HSPA14: variants seen among roughly 807,000 people sequenced by gnomAD.
HSPA14 encodes heat shock protein family A (Hsp70) member 14.
In HSPA14, 37 loss-of-function variants were observed where a neutral mutation model predicts 65.5. The ratio of observed to expected loss-of-function variants is 0.56; its 90% confidence interval spans 0.43 to 0.74. The LOEUF (loss-of-function observed/expected upper bound fraction) is 0.74, where lower values mean the gene tolerates loss of function less well. Ranked by LOEUF, HSPA14 falls within the 30% of genes least tolerant of loss-of-function variation. HSPA14 has a pLI of 0.00. For missense variants in HSPA14, 564 were observed against 607.6 expected, an observed-to-expected ratio of 0.93 and a Z score of 0.75; for synonymous variants, 203 against 214.2, an observed-to-expected ratio of 0.95 and a Z score of 0.46.
rs889144254 is a variant in HSPA14, at chr10:14,842,521, C to T, written c.221+2364C>T. The T allele has an allele frequency of 1.3e-6, 2 of 1,536,118 alleles. No homozygotes were observed. The highest frequency in any genetic ancestry group is 1.7e-4 in the Middle Eastern group (1 of 5,990). On this transcript the variant is annotated intron_variant, in intron 3 of 13. Transcript: ENST00000378372. The surrounding 1 kb of genome is among the most constrained non-coding windows in gnomAD (Gnocchi z 5.2). ...CATTATATTTAAAGGCCTATGTTGC[C>T]CATGCCACAAGTATGGGTGAGCCAC...
rs1834081829 is a variant in HSPA14 at position 14,848,535 on chromosome 10, AGTCTT to A, written c.222-73_222-69del. The A allele has an allele frequency of 5.9e-5, 61 of 1,039,398 alleles. No homozygotes were observed. The South Asian group carries it at 7.4e-4, about 13-fold the overall frequency. The allele number at this position is 1,039,398 out of a possible 1,614,324, so 64.4% of individuals were successfully genotyped here. A position where few individuals can be genotyped will look rare whatever the true frequency, so the allele number is the denominator to read the frequency against. On this transcript the variant is annotated intron_variant, in intron 3 of 13. Transcript: ENST00000378372. ...TTTGTTCAGTGATATTGTGAAATAC[AGTCTT>A]CTCTAAACTTTATATATCTACAATA... is the stretch of plus-strand genomic sequence containing the variant.
chr10:14,842,093 T>C lies in HSPA14; in HGVS notation c.221+1936T>C. On this transcript the variant is annotated intron_variant, in intron 3 of 13. Transcript: ENST00000378372. This position sits in a 1 kb window ranked among gnomAD's most constrained non-coding sequence, Gnocchi z 5.2. ...CTTAACTTGCTGCCAAAATTATCCT[T>C]ACACCCTTCCTGTAACTCTCATTCC... 12 of 1,449,604 alleles carry C rather than the reference T, an allele frequency of 8.3e-6. No homozygotes were observed. Among genetic ancestry groups the C allele is most frequent in the Non-Finnish European group, 1.0e-5 (11 of 1,070,946 alleles). The allele number at this position is 1,449,604 out of a possible 1,614,324, so 89.8% of individuals were successfully genotyped here. A position where few individuals can be genotyped will look rare whatever the true frequency, so the allele number is the denominator to read the frequency against.
At chr10:14,851,547 T>C (rs1834108723) in intron 7 of HSPA14, among the ~76,000 whole-genome samples, 1 of 152,246 alleles carries the variant, frequency 6.6e-6, no homozygotes, top group East Asian at 1.9e-4. Flanking sequence ...GCCCTTGTCT[T>C]GTCCCTTTTT....
In HSPA14 at chr10:14,838,355, G is replaced by C; in HGVS notation, c.-48G>C. 6.4e-7 allele frequency: 1 copy of C among 1,555,724 alleles called. No homozygotes were observed. The highest frequency in any genetic ancestry group is 8.7e-7 in the Non-Finnish European group (1 of 1,149,612). ...GGCCGTTGGGCGGCCGGTAGCTGTTGCTGTTGGGGGACCCCCTCATTCCTG... is the reference window on the plus strand; with the variant it reads ...GGCCGTTGGGCGGCCGGTAGCTGTTCCTGTTGGGGGACCCCCTCATTCCTG... On this transcript the variant is annotated 5_prime_UTR_variant, in exon 1 of 14. Coordinates refer to ENST00000378372, the MANE Select transcript of HSPA14 (RefSeq NM_016299.4).
At chr10:14,858,793 C>T (rs1451713453) in intron 10 of HSPA14, among the ~76,000 whole-genome samples, 6 of 152,114 alleles carry the variant, frequency 3.9e-5, no homozygotes, top group African/African-American at 9.7e-5. Flanking sequence ...AGGAAGTAGG[C>T]GCTTCTATCT....
chr10:14,842,305 T>C lies in HSPA14; in HGVS notation c.221+2148T>C, dbSNP rs1342536686. 3.3e-6 allele frequency: 5 copies of C among 1,535,796 alleles called. No individual in the cohort carries two copies. Among genetic ancestry groups the C allele is most frequent in the Admixed American group, 3.9e-5 (2 of 50,976 alleles). On this transcript the variant is annotated intron_variant, in intron 3 of 13. Transcript: ENST00000378372. This position sits in a 1 kb window ranked among gnomAD's most constrained non-coding sequence, Gnocchi z 5.2. The stretch of plus-strand genomic sequence containing the variant: ...CCACAATGGCCAGTGCCAATAGCAG[T>C]GCGGGCATCCGGTGGTCCAGACAGG...
At chr10:14,868,098 G>C (rs1832822796) in intron 12 of HSPA14, among the ~76,000 whole-genome samples, 189 bp downstream of exon 12, 1 of 152,082 alleles carries the variant, frequency 6.6e-6, no homozygotes, top group African/African-American at 2.4e-5. Context: ...GGAAAAAATA[G>C]GCAGTTCTAA....
At chr10:14,844,553 A>G (rs1834021869) in intron 3 of HSPA14, 4 of 986,120 alleles carry the variant, frequency 4.1e-6, no homozygotes, top group Non-Finnish European at 4.8e-6. Flanking sequence ...TATCTGACAT[A>G]TCTACTAGTA....
intron 10 of HSPA14, among the ~76,000 whole-genome samples, chr10:14,866,710 T>C (rs1832809763): frequency 6.6e-6 from 1 of 152,158 alleles, no homozygotes. Flanking sequence ...GCTTTAAGAT[T>C]CAAACTTTTA....
At position 14,842,339 on chromosome 10, in the gene HSPA14, A is replaced by G. The variant is rs1049471689; in HGVS notation, c.221+2182A>G. On this transcript the variant is annotated intron_variant, in intron 3 of 13. Coordinates refer to ENST00000378372, the MANE Select transcript of HSPA14 (RefSeq NM_016299.4). The surrounding 1 kb of genome is among the most constrained non-coding windows in gnomAD (Gnocchi z 5.2). ...CCGGTGGTCCAGACAGGAGACACGAACTCTTCTCTCCATACTAGGCGAGGC... is the reference window on the plus strand; with the variant it reads ...CCGGTGGTCCAGACAGGAGACACGAGCTCTTCTCTCCATACTAGGCGAGGC... The G allele has an allele frequency of 6.5e-7, 1 of 1,535,624 alleles. No homozygotes were observed. The highest frequency in any genetic ancestry group is 1.4e-5 in the African/African-American group (1 of 72,886).
At chr10:14,841,929 C>T (rs1833976884) in intron 3 of HSPA14, among the ~76,000 whole-genome samples, 1 of 152,234 alleles carries the variant, frequency 6.6e-6, no homozygotes, top group Non-Finnish European at 1.5e-5. Context: ...TACCAACTCT[C>T]AGCCATGAAA....
In HSPA14 at chr10:14,840,088, C is replaced by T; in HGVS notation, c.152C>T (p.Ala51Val). The stretch of plus-strand genomic sequence containing the variant: ...TTTTTTTTTCAGATTGTTGGATTGG[C>T]AGCAAAACAAAGTAGAATAAGAAAT... ...YSENEEIVGL[A>V]AKQSRIRNIS... The change falls in exon 3 of 14, where the codon GCA (alanine) becomes GTA (valine). Residue 51 changes from alanine (A) to valine (V), a missense_variant. Physicochemically the swap from Ala to Val is moderately conservative, Grantham distance 64. Coordinates refer to ENST00000378372, the MANE Select transcript of HSPA14 (RefSeq NM_016299.4). The T allele has an allele frequency of 7.0e-7, 1 of 1,420,064 alleles. No individual in the cohort carries two copies. The highest frequency in any genetic ancestry group is 9.4e-7 in the Non-Finnish European group (1 of 1,066,642). The allele number at this position is 1,420,064 out of a possible 1,614,324, so 88.0% of individuals were successfully genotyped here. A position where few individuals can be genotyped will look rare whatever the true frequency, so the allele number is the denominator to read the frequency against.
chr10:14,842,387 A>T lies in HSPA14; in HGVS notation c.221+2230A>T. On this transcript the variant is annotated intron_variant, in intron 3 of 13. Transcript: ENST00000378372. This position sits in a 1 kb window ranked among gnomAD's most constrained non-coding sequence, Gnocchi z 5.2. ...GGCAGAGTATATTCAGCGCCTCCAGACTGTGCATCACAATGCAGATGTCTA... is the reference window on the plus strand; with the variant it reads ...GGCAGAGTATATTCAGCGCCTCCAGTCTGTGCATCACAATGCAGATGTCTA... 1 of 1,536,154 alleles carries T rather than the reference A, an allele frequency of 6.5e-7. No homozygotes were observed. The highest frequency in any genetic ancestry group is 8.7e-7 in the Non-Finnish European group (1 of 1,146,910).
intron 3 of HSPA14, among the ~76,000 whole-genome samples, chr10:14,847,267 A>T (rs1046663938): frequency 5.9e-5 from 9 of 152,324 alleles, no homozygotes; most frequent in Admixed American, 2.0e-4. Context: ...CAACAGTATA[A>T]ATTGTTCTGG....
At chr10:14,867,410 C>T in intron 11 of HSPA14, 115 bp downstream of exon 11, 1 of 695,630 alleles carries the variant, frequency 1.4e-6, no homozygotes, top group Non-Finnish European at 2.4e-6. Context: ...TACAATAAAA[C>T]CTTGTATACT....
intron 7 of HSPA14, 131 bp from the exon 8 acceptor site, chr10:14,852,239 A>C: frequency 1.4e-6 from 1 of 718,770 alleles, no homozygotes; most frequent in Non-Finnish European, 2.3e-6. Flanking sequence ...GACTATAGAC[A>C]ACTTAGTTAT....
chr10:14,856,744 A>G (rs1289783482), intron 10 of HSPA14, among the ~76,000 whole-genome samples: 1 of 152,090 alleles, frequency 6.6e-6, no homozygotes, highest in Non-Finnish European at 1.5e-5. Context: ...CTGTGGTCTC[A>G]GCTTCTTGGG....
Position 14,842,049 on chromosome 10 carries a change from C to A in HSPA14, c.221+1892C>A. On this transcript the variant is annotated intron_variant, in intron 3 of 13. Coordinates refer to ENST00000378372, the MANE Select transcript of HSPA14 (RefSeq NM_016299.4). The surrounding 1 kb of genome is among the most constrained non-coding windows in gnomAD (Gnocchi z 5.2). ...TCTTGGCCTCATGCCTGTTTATGAC[C>A]TACTCACAGGTAGCACCACTTAACT... The A allele has an allele frequency of 1.0e-6, 1 of 972,186 alleles. No individual in the cohort carries two copies. Among genetic ancestry groups the A allele is most frequent in the Non-Finnish European group, 1.5e-6 (1 of 645,664 alleles). The allele number at this position is 972,186 out of a possible 1,614,324, so 60.2% of individuals were successfully genotyped here.
At chr10:14,841,214 A>G (rs570609308) in intron 3 of HSPA14, 2 of 152,314 alleles carry the variant, frequency 1.3e-5, no homozygotes, top group East Asian at 3.9e-4. Flanking sequence ...AGAGAATTCA[A>G]TATTCAGTGA....
Sources: gnomAD v4.1 joint callset for allele counts (sites outside exome capture counted in the v4.1 genomes callset) on GRCh38, gnomAD v4.1.1 for gene constraint, Gnocchi (gnomAD v3.1) non-coding constraint, MANE v1.5 for transcripts, NCBI Gene and HGNC (gene_info 2026-07-23, HGNC 2026-07-21) for gene names.